The following PRDM5 variants were observed in gnomAD, a reference collection of about 807,000 sequenced individuals.
PRDM5 encodes the protein PR domain zinc finger protein 5.
A neutral mutation model predicts 81.2 loss-of-function variants in PRDM5; 56 were observed. The observed-to-expected ratio is 0.69, with a 90% CI of 0.56 to 0.86. The LOEUF (loss-of-function observed/expected upper bound fraction) is 0.86, where lower values mean the gene tolerates loss of function less well. PRDM5 is among the 40% of genes least tolerant of loss of function. PRDM5 has a pLI of 0.00. For synonymous variants in PRDM5, 267 were observed against 256.4 expected, an observed-to-expected ratio of 1.04 and a Z score of -0.39; for missense variants, 697 against 770.1, an observed-to-expected ratio of 0.91 and a Z score of 1.12.
rs1763798649 is a variant in PRDM5, at chr4:120,889,317, A to C, written c.177+18157T>G. On this transcript the variant is annotated intron_variant, in intron 2 of 15. Transcript: ENST00000264808. ...TTTTGATCTAATATAATCCTTGAAA[A>C]TGACATACTTTTCCCACTATATCAT... Among the ~76,000 whole-genome samples, 6 of 152,300 alleles carry C rather than the reference A, an allele frequency of 3.9e-5. No homozygotes were observed. The South Asian group carries it at 8.3e-4, about 21-fold the overall frequency.
chr4:120,863,135 G>C (rs2148506228), intron 2 of PRDM5, among the ~76,000 whole-genome samples: 1 of 133,788 alleles, frequency 7.5e-6, no homozygotes, highest in South Asian at 2.4e-4. Flanking sequence ...TCCAGCCTGG[G>C]TGACAGAGCA....
chr4:120,700,149 A>G (rs1735150143), intron 15 of PRDM5, among the ~76,000 whole-genome samples: 1 of 152,142 alleles, frequency 6.6e-6, no homozygotes, highest in Non-Finnish European at 1.5e-5. Context: ...TCACACACCT[A>G]CAGCCATCTG....
chr4:120,873,577 A>G (rs993284695), intron 2 of PRDM5, among the ~76,000 whole-genome samples: 2 of 152,204 alleles, frequency 1.3e-5, no homozygotes, highest in Non-Finnish European at 1.5e-5. Context: ...CAAACATTTC[A>G]CTCAAATCAA....
intron 8 of PRDM5, among the ~76,000 whole-genome samples, chr4:120,809,098 G>C (rs573201047): frequency 2.9e-4 from 44 of 152,328 alleles, no homozygotes; most frequent in African/African-American, 7.9e-4. Context: ...TGGAGCGAAG[G>C]CTGCGAGGGC....
chr4:120,905,171 G>A (rs1456394084), intron 2 of PRDM5, among the ~76,000 whole-genome samples: 2 of 152,130 alleles, frequency 1.3e-5, no homozygotes, highest in African/African-American at 4.8e-5. Flanking sequence ...TTATAGTGAG[G>A]ACTATATTAT....
rs1749596083 is a variant in PRDM5 at position 120,785,153 on chromosome 4, G to C, written c.1189-62C>G. ...ATCAACCAGTCATTACAATGAACGA[G>C]TGGAGCTTGGATTCATGATGCGAAA... On this transcript the variant is annotated intron_variant, in intron 10 of 15. Transcript: ENST00000264808. 2.1e-5 allele frequency: 26 copies of C among 1,263,284 alleles called. No homozygotes were observed. In the South Asian group the frequency reaches 2.8e-4, roughly 14 times the overall value. 78.3% of individuals were successfully genotyped at this position (1,263,284 alleles called of 1,614,324 possible).
chr4:120,824,163 C>T (rs939329287), intron 3 of PRDM5, among the ~76,000 whole-genome samples: 1 of 152,186 alleles, frequency 6.6e-6, no homozygotes, highest in Non-Finnish European at 1.5e-5. Context: ...TATAGCAACA[C>T]AAATGGACTA....
At chr4:120,891,245 C>T (rs185794967) in intron 2 of PRDM5, among the ~76,000 whole-genome samples, 1 of 152,178 alleles carries the variant, frequency 6.6e-6, no homozygotes, top group Admixed American at 6.5e-5. Flanking sequence ...TCCATTTCTT[C>T]CTGGTTCAAT....
At chr4:120,837,748 T>G (rs935043731) in intron 3 of PRDM5, 3 of 152,210 alleles carry the variant, frequency 2.0e-5, no homozygotes, top group African/African-American at 7.2e-5. Flanking sequence ...GAGTTTACAT[T>G]CTACTGCTTG....
intron 3 of PRDM5, among the ~76,000 whole-genome samples, chr4:120,851,616 C>A (rs1483903315): frequency 6.6e-6 from 1 of 151,942 alleles, no homozygotes; most frequent in Non-Finnish European, 1.5e-5. Context: ...TCTCATGTAT[C>A]CATGCAAAAA....
chr4:120,886,922 A>C (rs1763497721), intron 2 of PRDM5, among the ~76,000 whole-genome samples: 1 of 151,480 alleles, frequency 6.6e-6, no homozygotes, highest in South Asian at 2.1e-4. Flanking sequence ...CAAATACTTA[A>C]AAGTCATTCT....
At chr4:120,876,345 A>G (rs757436848) in intron 2 of PRDM5, among the ~76,000 whole-genome samples, 3 of 152,180 alleles carry the variant, frequency 2.0e-5, no homozygotes, top group Non-Finnish European at 4.4e-5. Context: ...TGAAATATTT[A>G]TTGTACTATT....
chr4:120,708,496 G>A (rs35418908), intron 15 of PRDM5, among the ~76,000 whole-genome samples: 33,116 of 151,936 alleles, frequency 0.22, 3,876 homozygotes, highest in Non-Finnish European at 0.28. Context: ...GGAGTGAGGT[G>A]TAAATGTTTA....
At chr4:120,684,626 T>G (rs575469289), downstream of PRDM5, among the ~76,000 whole-genome samples, 13 of 152,128 alleles carry the variant, frequency 8.5e-5, no homozygotes, top group African/African-American at 2.9e-4. Context: ...GCTCTCCTTT[T>G]GGGGCTTATC....
At chr4:120,921,535 A>G (rs1438745601) in intron 1 of PRDM5, among the ~76,000 whole-genome samples, 2 of 152,148 alleles carry the variant, frequency 1.3e-5, no homozygotes, top group African/African-American at 4.8e-5. Context: ...TTATATGCAG[A>G]TGAAAGGCAC....
chr4:120,820,865 A>G (rs1401485786), intron 4 of PRDM5, among the ~76,000 whole-genome samples: 1 of 152,194 alleles, frequency 6.6e-6, no homozygotes, highest in Non-Finnish European at 1.5e-5. Flanking sequence ...AGACTATAAA[A>G]ATCCTCACTA....
chr4:120,915,487 C>T (rs1298774890), intron 1 of PRDM5, among the ~76,000 whole-genome samples: 1 of 152,194 alleles, frequency 6.6e-6, no homozygotes, highest in African/African-American at 2.4e-5. Context: ...GAGACTTCCT[C>T]AGTGATGCTG....
intron 10 of PRDM5, among the ~76,000 whole-genome samples, chr4:120,796,914 T>C (rs1751423211): frequency 6.6e-6 from 1 of 152,196 alleles, no homozygotes; most frequent in South Asian, 2.1e-4. Context: ...AACAGCATGC[T>C]ATAATACATC....
intron 14 of PRDM5, among the ~76,000 whole-genome samples, chr4:120,717,062 G>GA (rs5861486): frequency 0.046 from 6,266 of 137,552 alleles, 409 homozygotes; most frequent in African/African-American, 0.15. Context: ...TGAACATTGT[G>GA]AAAAAAAAAA....
Sources: gnomAD v4.1 joint callset for allele counts (sites outside exome capture counted in the v4.1 genomes callset) on GRCh38, gnomAD v4.1.1 for gene constraint, MANE v1.5 for transcripts, NCBI Gene and HGNC (gene_info 2026-07-23, HGNC 2026-07-21) for gene names.